KDM5A: variants seen among roughly 807,000 people sequenced by gnomAD.
The protein encoded by KDM5A is lysine demethylase 5A.
Under a neutral mutation model 193.5 loss-of-function variants are expected in KDM5A, and 42 were observed. That is an observed-to-expected ratio of 0.22 (90% CI 0.17 to 0.28). KDM5A has a LOEUF of 0.28. Among genes scored for constraint, KDM5A ranks in the 10% least tolerant of loss-of-function variants. The pLI, the probability that KDM5A is intolerant of heterozygous loss-of-function variation, is 1.00. For synonymous variants in KDM5A, 796 were observed against 718.1 expected (o/e 1.11, Z -1.73); for missense variants, 1,692 against 2,055.1 (o/e 0.82, Z 3.42).
intron 3 of KDM5A, among the ~76,000 whole-genome samples, chr12:366,692 T>C (rs1482760874): frequency 1.3e-5 from 2 of 151,838 alleles, no homozygotes; most frequent in Admixed American, 1.3e-4. Context: ...CAGAATATAT[T>C]AAGGTAGAAA....
chr12:357,359 G>T (rs1256764348), intron 5 of KDM5A, among the ~76,000 whole-genome samples: 1 of 148,584 alleles, frequency 6.7e-6, no homozygotes, highest in Non-Finnish European at 1.5e-5. Flanking sequence ...AAATTAGCTG[G>T]GCATGTTGGC....
chr12:280,462 C>T lies in KDM5A; in HGVS notation c.*4994G>A, dbSNP rs1041389184. On this transcript the variant is annotated 3_prime_UTR_variant, in exon 28 of 28. Transcript: ENST00000399788. The stretch of plus-strand genomic sequence containing the variant: ...GTAATCAGATTCCCCTCCCTGCCCC[C>T]GCTCTTTCAACCAACCCTCCTCCTA... 2 of 232,976 alleles carry T rather than the reference C, an allele frequency of 8.6e-6. No individual in the cohort carries two copies. The highest frequency in any genetic ancestry group is 1.8e-4 in the South Asian group (1 of 5,518). The allele number at this position is 232,976 out of a possible 1,614,324, so 14.4% of individuals were successfully genotyped here. A position where few individuals can be genotyped will look rare whatever the true frequency, so the allele number is the denominator to read the frequency against.
In KDM5A at chr12:295,603, G is replaced by C. The variant is rs935585274; in HGVS notation, c.4425C>G (p.Pro1475=). The part of the protein sequence containing the change: ...IWRILQATHP[P]SEDRFLHIME... ...TGATATGCAAGAATCTGTCTTCAGA[G>C]GGTGGGTGTGTGGCCTGCAAAATCC... is the stretch of plus-strand genomic sequence containing the variant. The change falls in exon 26 of 28, where the codon CCC becomes CCG. Residue 1475 remains proline, a synonymous_variant. Transcript: ENST00000399788. 6.8e-6 allele frequency: 11 copies of C among 1,614,076 alleles called. No homozygotes were observed. The highest frequency in any genetic ancestry group is 9.3e-6 in the Non-Finnish European group (11 of 1,179,942).
Position 337,324 on chromosome 12 carries a change from A to G in KDM5A, c.1309-2902T>C, listed in dbSNP as rs16929893. On this transcript the variant is annotated intron_variant, in intron 10 of 27. Coordinates refer to ENST00000399788, the MANE Select transcript of KDM5A (RefSeq NM_001042603.3). Reference sequence around the variant, plus strand: ...ATAGCAGTACAAGAATGGACTAATAAAGATTGTTAGGAAAACTTCACAGCA... The same window carrying G: ...ATAGCAGTACAAGAATGGACTAATAGAGATTGTTAGGAAAACTTCACAGCA... Among the ~76,000 whole-genome samples, 799 of 152,318 alleles carry G rather than the reference A, an allele frequency of 5.2e-3. 8 individuals carry two copies. The highest frequency in any genetic ancestry group is 0.015 in the African/African-American group (605 of 41,572).
In KDM5A at chr12:306,972, G is replaced by C. The variant is rs775280239; in HGVS notation, c.4048C>G (p.Arg1350Gly). 1 of 1,613,110 alleles carries C rather than the reference G, an allele frequency of 6.2e-7. No homozygotes were observed. The change falls in exon 24 of 28, where the codon CGA (arginine) becomes GGA (glycine). Residue 1350 changes from arginine (R) to glycine (G), a missense_variant. This residue lies in a region of KDM5A where 965 missense variants were observed against 1,061.0 expected (regional missense o/e 0.91). Coordinates refer to ENST00000399788, the MANE Select transcript of KDM5A (RefSeq NM_001042603.3). ...DEETDSDEDIRETYGYDMKDT... is the reference protein window; with the variant it reads ...DEETDSDEDIGETYGYDMKDT... ...TTCATGTCGTAGCCATATGTCTCTCGAATGTCTTCATCAGAGTCTGTTTCT... is the reference window on the plus strand; with the variant it reads ...TTCATGTCGTAGCCATATGTCTCTCCAATGTCTTCATCAGAGTCTGTTTCT...
In KDM5A at chr12:386,371, C is replaced by A. The variant is rs539682234; in HGVS notation, c.166-397G>T. On this transcript the variant is annotated intron_variant, in intron 1 of 27. Transcript: ENST00000399788. ...TGCATAACGCTTGTGTATACTGGAC[C>A]GTCAGAAAAGAAAGGTGTCAGTAGC... 2.6e-5 allele frequency among the ~76,000 whole-genome samples: 4 copies of A among 152,160 alleles called. No individual in the cohort carries two copies. The South Asian group carries it at 8.3e-4, about 32-fold the overall frequency.
chr12:342,141 T>C (rs1043890092), intron 10 of KDM5A, among the ~76,000 whole-genome samples: 1 of 152,176 alleles, frequency 6.6e-6, no homozygotes, highest in Admixed American at 6.5e-5. Context: ...TGGAAAAAGA[T>C]ACACCAAGCA....
intron 13 of KDM5A, 96 bp downstream of exon 13, chr12:331,723 G>A (rs1464899379): frequency 1.7e-5 from 24 of 1,399,902 alleles, no homozygotes; most frequent in Non-Finnish European, 2.1e-5. Flanking sequence ...TGATGAACCC[G>A]ACCCTGAGCC....
Position 389,101 on chromosome 12 carries a change from CGGGGGGGG to C in KDM5A, c.-18_-11del. 4 of 1,292,192 alleles carry C rather than the reference CGGGGGGGG, an allele frequency of 3.1e-6. No individual in the cohort carries two copies. Among genetic ancestry groups the C allele is most frequent in the Non-Finnish European group, 4.2e-6 (4 of 946,432 alleles). 80.0% of individuals were successfully genotyped at this position (1,292,192 alleles called of 1,614,324 possible). A position where few individuals can be genotyped will look rare whatever the true frequency, so the allele number is the denominator to read the frequency against. ...GCCCCACGCCCGCCATTGCAACGGC[CGGGGGGGG>C]GGGGGGGTCCCCGTGGGGAACCGGT... On this transcript the variant is annotated 5_prime_UTR_variant, in exon 1 of 28. Coordinates refer to ENST00000399788, the MANE Select transcript of KDM5A (RefSeq NM_001042603.3).
At chr12:314,742 G>A (rs1943629879) in intron 19 of KDM5A, among the ~76,000 whole-genome samples, 1 of 152,078 alleles carries the variant, frequency 6.6e-6, no homozygotes, top group Non-Finnish European at 1.5e-5. Context: ...CACAGGAGAT[G>A]GGCTGAAAAT....
intron 4 of KDM5A, 137 bp from the exon 5 acceptor site, chr12:363,234 C>A: frequency 1.1e-6 from 1 of 952,156 alleles, no homozygotes; most frequent in Non-Finnish European, 1.6e-6. Flanking sequence ...ATACAGCTAT[C>A]CCTACCAAAA....
chr12:318,584 C>T, intron 18 of KDM5A, 123 bp from the exon 19 acceptor site: 1 of 694,532 alleles, frequency 1.4e-6, no homozygotes, highest in South Asian at 1.6e-5. Flanking sequence ...CATCATAACA[C>T]CAAATATTCA....
chr12:375,500 C>A (rs369785325), intron 3 of KDM5A, among the ~76,000 whole-genome samples: 8 of 152,188 alleles, frequency 5.3e-5, no homozygotes, highest in African/African-American at 1.9e-4. Flanking sequence ...AGGTTTTTAG[C>A]TTCTTTGCGA....
intron 18 of KDM5A, among the ~76,000 whole-genome samples, chr12:319,639 A>G (rs1357237387): frequency 6.6e-6 from 1 of 152,142 alleles, no homozygotes; most frequent in African/African-American, 2.4e-5. Context: ...ATAGTGCACC[A>G]GCAACTTGGG....
chr12:343,087 C>T (rs1944027381), intron 10 of KDM5A, among the ~76,000 whole-genome samples: 1 of 152,210 alleles, frequency 6.6e-6, no homozygotes, highest in African/African-American at 2.4e-5. Flanking sequence ...GCAATTTTCC[C>T]AAGGTCTTAG....
chr12:374,052 A>C (rs1271881129), intron 3 of KDM5A, among the ~76,000 whole-genome samples: 2 of 152,200 alleles, frequency 1.3e-5, no homozygotes, highest in African/African-American at 2.4e-5. Flanking sequence ...AAGAATGCAT[A>C]TTCTGTTGCT....
chr12:381,111 C>T (rs1002130425), intron 3 of KDM5A, among the ~76,000 whole-genome samples: 12 of 152,238 alleles, frequency 7.9e-5, no homozygotes, highest in South Asian at 4.2e-4. Flanking sequence ...TCTCCTGCCT[C>T]GGCCTCCCAA....
Position 307,092 on chromosome 12 carries a change from A to C in KDM5A, c.3931-3T>G. The C allele has an allele frequency of 6.2e-7, 1 of 1,614,174 alleles. No individual in the cohort carries two copies. On this transcript the variant is annotated splice_region_variant and splice_polypyrimidine_tract_variant and intron_variant, in intron 23 of 27. Transcript: ENST00000399788. This position sits in a 1 kb window ranked among gnomAD's most constrained non-coding sequence, Gnocchi z 4.3. Reference sequence around the variant, plus strand: ...TGCTGGAAACTAGGTAAGTGTCCCTAAACAACAAATAATTCCAAGATGAAC... The same window carrying C: ...TGCTGGAAACTAGGTAAGTGTCCCTCAACAACAAATAATTCCAAGATGAAC...
intron 3 of KDM5A, among the ~76,000 whole-genome samples, chr12:381,173 T>C (rs1195421095): frequency 6.6e-6 from 1 of 152,092 alleles, no homozygotes; most frequent in African/African-American, 2.4e-5. Flanking sequence ...TTTGTATTTT[T>C]AGTAGAGACG....
Sources: allele counts gnomAD v4.1 joint callset (sites outside exome capture counted in the v4.1 genomes callset), GRCh38; gene constraint gnomAD v4.1.1; regional missense constraint gnomAD v4.1.1; non-coding constraint Gnocchi (gnomAD v3.1); transcripts MANE v1.5; gene names NCBI Gene and HGNC (gene_info 2026-07-23, HGNC 2026-07-21).